The following CYLD variants were observed in gnomAD, a reference collection of about 807,000 sequenced individuals.
CYLD encodes the protein CYLD lysine 63 deubiquitinase.
Under a neutral mutation model 104.5 loss-of-function variants are expected in CYLD, and 26 were observed. The ratio of observed to expected loss-of-function variants is 0.25; its 90% CI spans 0.18 to 0.35. The LOEUF (loss-of-function observed/expected upper bound fraction) is 0.35. Ranked by LOEUF, CYLD falls within the 10% of genes least tolerant of loss-of-function variation. The pLI is 1.00. For missense variants in CYLD, 703 were observed against 1,136.1 expected (o/e 0.62, Z 5.48); for synonymous variants, 385 against 399.9 (o/e 0.96, Z 0.45).
At position 50,800,963 on chromosome 16, in the gene CYLD, C is replaced by T; in HGVS notation, c.*4455C>T. 1 of 233,452 alleles carries T rather than the reference C, an allele frequency of 4.3e-6. No homozygotes were observed. Among genetic ancestry groups the T allele is most frequent in the East Asian group, 6.0e-5 (1 of 16,738 alleles). The allele number at this position is 233,452 out of a possible 1,614,324, so 14.5% of individuals were successfully genotyped here. A position where few individuals can be genotyped will look rare whatever the true frequency, so the allele number is the denominator to read the frequency against. ...AAGAAGGAATGTAAACCCCTTAAAG[C>T]AGATGTGTGTGGGGCCTTATGAAGA... On this transcript the variant is annotated 3_prime_UTR_variant, in exon 19 of 19. Transcript: ENST00000427738.
chr16:50,744,302 C>CG (rs1965989613), intron 2 of CYLD, among the ~76,000 whole-genome samples: 1 of 151,962 alleles, frequency 6.6e-6, no homozygotes, highest in African/African-American at 2.4e-5. Flanking sequence ...TTTCTGGCCA[C>CG]GGAATCTCTG....
intron 5 of CYLD, among the ~76,000 whole-genome samples, chr16:50,769,101 G>A (rs183170985): frequency 6.6e-6 from 1 of 152,070 alleles, no homozygotes; most frequent in South Asian, 2.1e-4. Context: ...GGACACTTGA[G>A]TTTTTTTCAG....
chr16:50,775,095 A>C, intron 5 of CYLD, 71 bp from the exon 6 acceptor site: 1 of 1,317,828 alleles, frequency 7.6e-7, no homozygotes, highest in Non-Finnish European at 1.1e-6. Flanking sequence ...TTTAAAATGT[A>C]AAAATTTTCC....
chr16:50,782,269 T>C, intron 10 of CYLD, 56 bp from the exon 11 acceptor site: 1 of 1,290,988 alleles, frequency 7.7e-7, no homozygotes, highest in Non-Finnish European at 1.1e-6. Flanking sequence ...GGAATACATA[T>C]TGTAATAGTT....
chr16:50,746,337 C>T (rs979513847), intron 2 of CYLD, among the ~76,000 whole-genome samples: 6 of 152,162 alleles, frequency 3.9e-5, no homozygotes, highest in African/African-American at 1.2e-4. Context: ...TGTGCCTGGC[C>T]GAGAATATTA....
At chr16:50,793,123 C>T (rs867097241) in intron 16 of CYLD, among the ~76,000 whole-genome samples, 4,046 of 151,076 alleles carry the variant, frequency 0.027, 155 homozygotes, top group African/African-American at 0.091. Context: ...TATACACACA[C>T]ACACACACAC....
chr16:50,799,476 A>T lies in CYLD; in HGVS notation c.*2968A>T. The T allele has an allele frequency of 8.6e-6, 2 of 233,800 alleles. No homozygotes were observed. Among genetic ancestry groups the T allele is most frequent in the Non-Finnish European group, 1.7e-5 (2 of 118,040 alleles). The allele number at this position is 233,800 out of a possible 1,614,324, so 14.5% of individuals were successfully genotyped here. ...GAAAACACGTTGAAAACTAGGATAA[A>T]CAGCAACAAAAATCAACTAAATATG... is the stretch of plus-strand genomic sequence containing the variant. On this transcript the variant is annotated 3_prime_UTR_variant, in exon 19 of 19. Transcript: ENST00000427738.
At chr16:50,760,517 C>T (rs1597002738) in intron 5 of CYLD, among the ~76,000 whole-genome samples, 1 of 152,142 alleles carries the variant, frequency 6.6e-6, no homozygotes, top group East Asian at 1.9e-4. Context: ...TATTCTTATT[C>T]CCCCTTCCCT....
Position 50,797,349 on chromosome 16 carries a change from G to A in CYLD, c.*841G>A, listed in dbSNP as rs117537927. On this transcript the variant is annotated 3_prime_UTR_variant, in exon 19 of 19. Transcript: ENST00000427738. ...TCCTTTACAAACATACAGTCCATAA[G>A]AAAATGAATTTGGCATATAGAATTA... The A allele has an allele frequency of 0.024, 5,640 of 232,244 alleles. 92 individuals carry two copies. Among genetic ancestry groups the A allele is most frequent in the Middle Eastern group, 0.033 (26 of 780 alleles). 14.4% of individuals were successfully genotyped at this position (232,244 alleles called of 1,614,324 possible). A position where few individuals can be genotyped will look rare whatever the true frequency, so the allele number is the denominator to read the frequency against.
chr16:50,800,440 A>G lies in CYLD; in HGVS notation c.*3932A>G, dbSNP rs944312669. 8.6e-6 allele frequency: 2 copies of G among 233,270 alleles called. No homozygotes were observed. Among genetic ancestry groups the G allele is most frequent in the African/African-American group, 2.2e-5 (1 of 45,354 alleles). The allele number at this position is 233,270 out of a possible 1,614,324, so 14.5% of individuals were successfully genotyped here. ...TATCATACTGTTTCTCTGTGTTTACATACTAATTTGTGTAAGAAATGCATT... is the reference window on the plus strand; with the variant it reads ...TATCATACTGTTTCTCTGTGTTTACGTACTAATTTGTGTAAGAAATGCATT... On this transcript the variant is annotated 3_prime_UTR_variant, in exon 19 of 19. Transcript: ENST00000427738.
intron 5 of CYLD, among the ~76,000 whole-genome samples, chr16:50,760,474 A>G (rs1435915745): frequency 2.0e-5 from 3 of 152,134 alleles, no homozygotes; most frequent in Non-Finnish European, 4.4e-5. Flanking sequence ...AATTTCTTAT[A>G]TATCTTTCCA....
intron 5 of CYLD, among the ~76,000 whole-genome samples, chr16:50,773,868 C>T (rs1420872): frequency 0.34 from 51,827 of 151,986 alleles, 9,640 homozygotes; most frequent in Non-Finnish European, 0.42. Flanking sequence ...GGAATGTCTT[C>T]TTCTTCAGAG....
intron 5 of CYLD, among the ~76,000 whole-genome samples, chr16:50,755,123 G>GTA (rs1491204614): frequency 3.2e-5 from 1 of 31,074 alleles, no homozygotes; most frequent in Non-Finnish European, 6.6e-5. Context: ...ATACACATGT[G>GTA]TATATATACA....
chr16:50,783,362 A>G (rs547222441), intron 11 of CYLD, among the ~76,000 whole-genome samples: 9 of 152,324 alleles, frequency 5.9e-5, no homozygotes, highest in East Asian at 1.9e-4. Flanking sequence ...TAGGAAGTTA[A>G]TATGGGATGT....
In CYLD at chr16:50,749,573, C is replaced by T; in HGVS notation, c.-123-3C>T. 1.1e-6 allele frequency: 1 copy of T among 921,420 alleles called. No individual in the cohort carries two copies. The highest frequency in any genetic ancestry group is 2.6e-5 in the East Asian group (1 of 38,042). The allele number at this position is 921,420 out of a possible 1,614,324, so 57.1% of individuals were successfully genotyped here. A position where few individuals can be genotyped will look rare whatever the true frequency, so the allele number is the denominator to read the frequency against. ...GGCATTTTGATTTCCTTTCTTTTTA[C>T]AGCATGGACACCACGTTGCTGAAAA... On this transcript the variant is annotated splice_polypyrimidine_tract_variant and splice_region_variant and intron_variant, in intron 2 of 18. Coordinates refer to ENST00000427738, the MANE Select transcript of CYLD (RefSeq NM_001378743.1).
intron 3 of CYLD, 142 bp downstream of exon 3, chr16:50,750,344 C>A (rs1453778454): frequency 1.0e-6 from 1 of 971,484 alleles, no homozygotes; most frequent in Non-Finnish European, 1.6e-6. Context: ...ATTCATCATC[C>A]TTGCTGATGA....
chr16:50,779,323 T>A (rs1969984806), intron 8 of CYLD, among the ~76,000 whole-genome samples: 1 of 152,202 alleles, frequency 6.6e-6, no homozygotes, highest in African/African-American at 2.4e-5. Context: ...TTTGATCCAT[T>A]AGATATATAG....
At chr16:50,763,588 A>G (rs1379057107) in intron 5 of CYLD, among the ~76,000 whole-genome samples, 2 of 152,140 alleles carry the variant, frequency 1.3e-5, no homozygotes, top group East Asian at 3.9e-4. Flanking sequence ...GTCATTTTCA[A>G]TTGACTTTCG....
At chr16:50,777,376 A>G (rs1322681016) in intron 7 of CYLD, among the ~76,000 whole-genome samples, 5 of 152,224 alleles carry the variant, frequency 3.3e-5, no homozygotes, top group African/African-American at 1.2e-4. Flanking sequence ...TTTAAAACTT[A>G]ACTATTTTTA....
Sources: gnomAD v4.1 joint callset for allele counts (sites outside exome capture counted in the v4.1 genomes callset) on GRCh38, gnomAD v4.1.1 for gene constraint, MANE v1.5 for transcripts, NCBI Gene and HGNC (gene_info 2026-07-23, HGNC 2026-07-21) for gene names.